Variants in PLXNA4 observed in about 807,000 individuals in gnomAD.
PLXNA4 encodes plexin A4, also known as plexin-A4.
A neutral mutation model predicts 191.8 loss-of-function variants in PLXNA4; 44 were observed. The ratio of observed to expected loss-of-function variants is 0.23; its 90% CI spans 0.18 to 0.29. The LOEUF is 0.29. PLXNA4 is among the 10% of genes least tolerant of loss of function. The probability of loss-of-function intolerance (pLI) is 1.00; values close to 1 mark genes in which losing one functional copy is unlikely to be tolerated. For synonymous variants in PLXNA4, 1,082 were observed against 1,009.5 expected, an observed-to-expected ratio of 1.07 and a Z score of -1.36; for missense variants, 1,800 against 2,488.8, an observed-to-expected ratio of 0.72 and a Z score of 5.89.
At chr7:132,300,749 C>A (rs1445466243) in intron 3 of PLXNA4, among the ~76,000 whole-genome samples, 1 of 152,240 alleles carries the variant, frequency 6.6e-6, no homozygotes, top group Non-Finnish European at 1.5e-5. Context: ...GGAGGTGCCC[C>A]TGGAGCAGGA....
At chr7:132,250,479 G>A (rs1279530710) in intron 4 of PLXNA4, among the ~76,000 whole-genome samples, 1 of 152,132 alleles carries the variant, frequency 6.6e-6, no homozygotes, top group Non-Finnish European at 1.5e-5. Flanking sequence ...TATCATTTCT[G>A]GATTATTGCC....
At chr7:132,333,594 A>G (rs2116707018) in intron 3 of PLXNA4, among the ~76,000 whole-genome samples, 1 of 152,286 alleles carries the variant, frequency 6.6e-6, no homozygotes, top group South Asian at 2.1e-4. Flanking sequence ...CTGGAGGGAC[A>G]CGGCCACTGT....
At chr7:132,542,540 T>C (rs1053903624) in intron 1 of PLXNA4, among the ~76,000 whole-genome samples, 2 of 152,260 alleles carry the variant, frequency 1.3e-5, no homozygotes, top group African/African-American at 4.8e-5. Flanking sequence ...TCTGTATTGA[T>C]ATTTTCTCCT....
chr7:132,134,828 C>T (rs553291340), intron 30 of PLXNA4, among the ~76,000 whole-genome samples: 2 of 152,148 alleles, frequency 1.3e-5, no homozygotes, highest in Admixed American at 6.5e-5. Flanking sequence ...ACCTTCAGAA[C>T]CCTCAGGGCC....
chr7:132,397,314 G>A (rs749400426), intron 3 of PLXNA4, among the ~76,000 whole-genome samples: 3 of 152,280 alleles, frequency 2.0e-5, no homozygotes, highest in East Asian at 1.9e-4. Context: ...ACCGTCACTC[G>A]AGCTAATCTG....
At chr7:132,328,601 G>T (rs1368152045) in intron 3 of PLXNA4, among the ~76,000 whole-genome samples, 1 of 152,204 alleles carries the variant, frequency 6.6e-6, no homozygotes, top group Non-Finnish European at 1.5e-5. Flanking sequence ...CAGATTCCTC[G>T]CCTTGGAGAA....
chr7:132,395,807 C>T lies in PLXNA4; in HGVS notation c.1371+93485G>A, dbSNP rs733459. Among the ~76,000 whole-genome samples, 1,374 of 152,300 alleles carry T rather than the reference C, an allele frequency of 9.0e-3. 27 individuals are homozygous for T. Among genetic ancestry groups the T allele is most frequent in the African/African-American group, 0.032 (1,310 of 41,566 alleles). ...AAGGAATGACCAGGATCCCCATGGCCGGGAAACAAATGATGAAGCCAGTTA... is the reference window on the plus strand; with the variant it reads ...AAGGAATGACCAGGATCCCCATGGCTGGGAAACAAATGATGAAGCCAGTTA... On this transcript the variant is annotated intron_variant, in intron 3 of 31. Coordinates refer to ENST00000321063, the MANE Select transcript of PLXNA4 (RefSeq NM_020911.2).
chr7:132,580,564 G>T (rs1187542603), upstream of PLXNA4, among the ~76,000 whole-genome samples: 1 of 152,206 alleles, frequency 6.6e-6, no homozygotes, highest in Admixed American at 6.5e-5. Context: ...ATGTCTGTGG[G>T]ACTTGGGTTG....
At chr7:132,572,326 A>T (rs2116767469) in intron 1 of PLXNA4, among the ~76,000 whole-genome samples, 1 of 152,310 alleles carries the variant, frequency 6.6e-6, no homozygotes, top group Middle Eastern at 3.4e-3. Flanking sequence ...AATGGTATCT[A>T]AACCAAATGA....
At chr7:132,339,324 C>T (rs1802936365) in intron 3 of PLXNA4, among the ~76,000 whole-genome samples, 1 of 152,168 alleles carries the variant, frequency 6.6e-6, no homozygotes, top group Admixed American at 6.6e-5. Context: ...CTGCCTCATC[C>T]CCCATCTAAT....
At chr7:132,324,776 C>T (rs985449729) in intron 3 of PLXNA4, among the ~76,000 whole-genome samples, 1 of 152,098 alleles carries the variant, frequency 6.6e-6, no homozygotes, top group Non-Finnish European at 1.5e-5. Flanking sequence ...AGAGTTTAGC[C>T]TAGAAGGATT....
intron 3 of PLXNA4, among the ~76,000 whole-genome samples, chr7:132,395,822 G>A (rs577214929): frequency 6.6e-6 from 1 of 152,254 alleles, no homozygotes; most frequent in Non-Finnish European, 1.5e-5. Flanking sequence ...AACAAATGAT[G>A]AAGCCAGTTA....
intron 22 of PLXNA4, 118 bp from the exon 23 acceptor site, chr7:132,165,318 G>T (rs78208160): frequency 2.1e-6 from 3 of 1,404,454 alleles, no homozygotes; most frequent in African/African-American, 1.4e-5. Context: ...TGCTTCTAGC[G>T]TTTAGGCCAA....
chr7:132,206,571 C>G (rs1422516699), intron 10 of PLXNA4, among the ~76,000 whole-genome samples: 3 of 152,112 alleles, frequency 2.0e-5, no homozygotes, highest in African/African-American at 7.2e-5. Context: ...TTCTCTCCCC[C>G]AATCCTGGGA....
intron 1 of PLXNA4, among the ~76,000 whole-genome samples, chr7:132,560,583 GA>G (rs1800995167): frequency 6.6e-6 from 1 of 152,056 alleles, no homozygotes; most frequent in Non-Finnish European, 1.5e-5. Flanking sequence ...AGCTGCCGGG[GA>G]CACAAGAGCC....
rs866713364 is a variant in PLXNA4, at chr7:132,307,413, G to A, written c.1372-9191C>T. 2.0e-5 allele frequency among the ~76,000 whole-genome samples: 3 copies of A among 152,206 alleles called. No individual in the cohort carries two copies. In the Middle Eastern group the frequency reaches 0.01, roughly 518 times the overall value. ...CACGGGAGCAGAAATCTTTATCAAG[G>A]GATATATCTCAGACCCTTGAACTGT... is the stretch of plus-strand genomic sequence containing the variant. On this transcript the variant is annotated intron_variant, in intron 3 of 31. Coordinates refer to ENST00000321063, the MANE Select transcript of PLXNA4 (RefSeq NM_020911.2).
chr7:132,452,492 A>G (rs1471195852), intron 3 of PLXNA4, among the ~76,000 whole-genome samples: 2 of 152,182 alleles, frequency 1.3e-5, no homozygotes, highest in African/African-American at 4.8e-5. Context: ...TGGGAAATCC[A>G]AAAAAACATG....
At chr7:132,271,709 C>T (rs1199001841) in intron 4 of PLXNA4, among the ~76,000 whole-genome samples, 1 of 152,098 alleles carries the variant, frequency 6.6e-6, no homozygotes, top group African/African-American at 2.4e-5. Context: ...CAAAGAGGAT[C>T]AGAATTCAAC....
intron 3 of PLXNA4, among the ~76,000 whole-genome samples, chr7:132,406,964 T>C (rs557650544): frequency 6.6e-5 from 10 of 152,136 alleles, no homozygotes; most frequent in South Asian, 4.1e-4. Flanking sequence ...CCTTTTCTAA[T>C]GATAAGGAAA....
Sources: allele counts gnomAD v4.1 joint callset (sites outside exome capture counted in the v4.1 genomes callset), GRCh38; gene constraint gnomAD v4.1.1; transcripts MANE v1.5; gene names NCBI Gene and HGNC (gene_info 2026-07-23, HGNC 2026-07-21).